UBE2E2: variants seen among roughly 807,000 people sequenced by gnomAD.
UBE2E2 encodes ubiquitin-conjugating enzyme E2 E2.
In UBE2E2, 6 loss-of-function variants were observed where a neutral mutation model predicts 24.7. The observed-to-expected ratio is 0.24, with a 90% CI of 0.13 to 0.48. The LOEUF is 0.48. Ranked by LOEUF, UBE2E2 falls within the 20% of genes least tolerant of loss-of-function variation. The probability of loss-of-function intolerance (pLI) is 0.99; values close to 1 mark genes in which losing one functional copy is unlikely to be tolerated. For synonymous variants in UBE2E2, 104 were observed against 83.6 expected, an observed-to-expected ratio of 1.24 and a Z score of -1.33; for missense variants, 169 against 245.0, an observed-to-expected ratio of 0.69 and a Z score of 2.07.
intron 3 of UBE2E2, among the ~76,000 whole-genome samples, chr3:23,250,700 A>C (rs1697551800): frequency 6.6e-6 from 1 of 152,230 alleles, no homozygotes; most frequent in African/African-American, 2.4e-5. Flanking sequence ...ATGATATGGC[A>C]TACTTCCTTC....
intron 3 of UBE2E2, among the ~76,000 whole-genome samples, chr3:23,332,677 GTGTGT>G (rs1559350731): frequency 0.089 from 2,368 of 26,742 alleles, 85 homozygotes; most frequent in African/African-American, 0.14. Context: ...CCAGTGGGGT[GTGTGT>G]GTGTGTGTGT....
chr3:23,472,865 C>G (rs1288048711), intron 3 of UBE2E2, among the ~76,000 whole-genome samples: 1 of 151,948 alleles, frequency 6.6e-6, no homozygotes, highest in Admixed American at 6.6e-5. Context: ...ATTGCCTATG[C>G]TGGTCTCAAA....
intron 3 of UBE2E2, among the ~76,000 whole-genome samples, chr3:23,425,295 TCC>T (rs1387805276): frequency 2.0e-5 from 3 of 152,194 alleles, no homozygotes; most frequent in Non-Finnish European, 4.4e-5. Context: ...ATTAAATAGA[TCC>T]TAGATAGTTG....
chr3:23,269,333 A>G (rs558510353), intron 3 of UBE2E2, among the ~76,000 whole-genome samples: 7 of 152,344 alleles, frequency 4.6e-5, no homozygotes, highest in African/African-American at 1.4e-4. Flanking sequence ...CAGAATCTAC[A>G]ATGAACTCAA....
intron 3 of UBE2E2, among the ~76,000 whole-genome samples, chr3:23,382,366 C>T (rs1160329224): frequency 6.6e-6 from 1 of 151,456 alleles, no homozygotes; most frequent in South Asian, 2.1e-4. Flanking sequence ...ATTTTTAGTA[C>T]AGAGGGGGTT....
intron 4 of UBE2E2, among the ~76,000 whole-genome samples, chr3:23,512,774 A>G (rs572671232): frequency 5.3e-4 from 80 of 152,148 alleles, no homozygotes; most frequent in Admixed American, 1.3e-3. Flanking sequence ...GTGAAACCCC[A>G]TCTCTACTAA....
At chr3:23,564,324 G>A (rs1696010634) in intron 5 of UBE2E2, among the ~76,000 whole-genome samples, 1 of 152,142 alleles carries the variant, frequency 6.6e-6, no homozygotes, top group Admixed American at 6.6e-5. Flanking sequence ...TAGAAAAATA[G>A]GTGGAGCTGT....
At chr3:23,408,121 C>A (rs1258565920) in intron 3 of UBE2E2, among the ~76,000 whole-genome samples, 5 of 152,066 alleles carry the variant, frequency 3.3e-5, no homozygotes, top group Non-Finnish European at 5.9e-5. Flanking sequence ...GTGTCTAATT[C>A]TGTATTTAGT....
chr3:23,340,876 T>C lies in UBE2E2; in HGVS notation c.227+123564T>C, dbSNP rs546230005. Among the ~76,000 whole-genome samples the C allele has an allele frequency of 2.6e-5, 4 of 152,298 alleles. No homozygotes were observed. The South Asian group carries it at 8.3e-4, about 32-fold the overall frequency. On this transcript the variant is annotated intron_variant, in intron 3 of 5. Transcript: ENST00000396703. ...TTTGCCTTCTATTCAAGCAATATACTTTCATCCTTCTGTTGTGTTTCCTCA... is the reference window on the plus strand; with the variant it reads ...TTTGCCTTCTATTCAAGCAATATACCTTCATCCTTCTGTTGTGTTTCCTCA...
chr3:23,381,371 A>T (rs1696666978), intron 3 of UBE2E2, among the ~76,000 whole-genome samples: 2 of 152,124 alleles, frequency 1.3e-5, no homozygotes, highest in African/African-American at 4.8e-5. Context: ...TATAATTTTC[A>T]CTGTCCATGG....
intron 5 of UBE2E2, among the ~76,000 whole-genome samples, chr3:23,545,294 G>C (rs1010159519): frequency 2.6e-5 from 4 of 152,166 alleles, no homozygotes; most frequent in African/African-American, 9.7e-5. Context: ...AGAAACCTTG[G>C]ACAATACCTG....
chr3:23,524,976 A>T (rs748853907), intron 4 of UBE2E2, among the ~76,000 whole-genome samples: 2 of 152,104 alleles, frequency 1.3e-5, no homozygotes, highest in African/African-American at 2.4e-5. Context: ...TTATAGTCTT[A>T]TAGTTCCGTG....
rs933225332 is a variant in UBE2E2, at chr3:23,285,692, C to T, written c.227+68380C>T. On this transcript the variant is annotated intron_variant, in intron 3 of 5. Coordinates refer to ENST00000396703, the MANE Select transcript of UBE2E2 (RefSeq NM_152653.4). ...TGTCTTCTTTTGAGAGACATCTATT[C>T]AGATCTTTTATCCCCCACCCTGCTT... 2.0e-5 allele frequency among the ~76,000 whole-genome samples: 3 copies of T among 152,088 alleles called. No individual in the cohort carries two copies. In the South Asian group the frequency reaches 6.2e-4, roughly 32 times the overall value.
intron 3 of UBE2E2, among the ~76,000 whole-genome samples, chr3:23,418,339 G>C (rs1457219780): frequency 1.3e-5 from 2 of 152,124 alleles, no homozygotes; most frequent in African/African-American, 4.8e-5. Flanking sequence ...TGCTTCCTGG[G>C]TAACGCAATG....
chr3:23,509,489 G>A (rs968045581), intron 4 of UBE2E2, among the ~76,000 whole-genome samples: 3 of 152,240 alleles, frequency 2.0e-5, no homozygotes, highest in African/African-American at 7.2e-5. Context: ...CAGTAGGCAG[G>A]TCTGAGTTCA....
intron 3 of UBE2E2, among the ~76,000 whole-genome samples, chr3:23,354,873 T>C (rs1328195382): frequency 6.6e-6 from 1 of 152,200 alleles, no homozygotes; most frequent in African/African-American, 2.4e-5. Context: ...GCCATCCCAT[T>C]ACTGGGTATA....
chr3:23,512,954 A>AT (rs939471860), intron 4 of UBE2E2, among the ~76,000 whole-genome samples: 8 of 152,170 alleles, frequency 5.3e-5, no homozygotes, highest in African/African-American at 1.7e-4. Flanking sequence ...ACATACATAC[A>AT]TAAAAACTTA....
intron 5 of UBE2E2, among the ~76,000 whole-genome samples, chr3:23,537,347 A>G (rs1695290473): frequency 6.6e-6 from 1 of 152,128 alleles, no homozygotes; most frequent in Non-Finnish European, 1.5e-5. Flanking sequence ...AAACATCAAC[A>G]CTCAGGATGG....
chr3:23,273,388 G>A (rs1368136453), intron 3 of UBE2E2, among the ~76,000 whole-genome samples: 10 of 152,088 alleles, frequency 6.6e-5, no homozygotes, highest in Non-Finnish European at 1.2e-4. Flanking sequence ...AAAATTAGCC[G>A]GGCGTGATGG....
Sources: gnomAD v4.1 joint callset for allele counts (sites outside exome capture counted in the v4.1 genomes callset) on GRCh38, gnomAD v4.1.1 for gene constraint, MANE v1.5 for transcripts, NCBI Gene and HGNC (gene_info 2026-07-23, HGNC 2026-07-21) for gene names.